The following CDH18 variants were observed in gnomAD, a reference collection of about 807,000 sequenced individuals.
The protein encoded by CDH18 is cadherin 18, also known as cadherin-18.
In CDH18, 31 loss-of-function variants were observed where a neutral mutation model predicts 67.9. The ratio of observed to expected loss-of-function variants is 0.46; its 90% CI spans 0.34 to 0.62. The LOEUF (loss-of-function observed/expected upper bound fraction) is 0.62, where lower values mean the gene tolerates loss of function less well. Ranked by LOEUF, CDH18 falls within the 20% of genes least tolerant of loss-of-function variation. The probability of loss-of-function intolerance (pLI) is 0.01; values close to 1 mark genes in which losing one functional copy is unlikely to be tolerated. For missense variants in CDH18, 890 were observed against 975.5 expected, an observed-to-expected ratio of 0.91 and a Z score of 1.17; for synonymous variants, 362 against 347.2, an observed-to-expected ratio of 1.04 and a Z score of -0.48.
intron 2 of CDH18, among the ~76,000 whole-genome samples, chr5:20,011,040 C>A (rs1022922117): frequency 2.0e-5 from 3 of 152,162 alleles, no homozygotes; most frequent in African/African-American, 4.8e-5. Context: ...TCACAAATAG[C>A]GTTTCAATTC....
At chr5:19,653,291 C>T (rs993717203) in intron 5 of CDH18, among the ~76,000 whole-genome samples, 1 of 151,832 alleles carries the variant, frequency 6.6e-6, no homozygotes, top group Non-Finnish European at 1.5e-5. Context: ...GAGCTTGAGT[C>T]TTTTTTTTCT....
chr5:19,636,498 T>G (rs1239835207), intron 5 of CDH18, among the ~76,000 whole-genome samples: 1 of 152,062 alleles, frequency 6.6e-6, no homozygotes, highest in Non-Finnish European at 1.5e-5. Context: ...CTATTTTGAG[T>G]GTAAAAAATA....
At chr5:19,505,450 G>A (rs944335202) in intron 10 of CDH18, among the ~76,000 whole-genome samples, 5 of 152,078 alleles carry the variant, frequency 3.3e-5, no homozygotes, top group Non-Finnish European at 7.4e-5. Flanking sequence ...GATTGGCTGT[G>A]GGTTTGTCAT....
chr5:19,790,573 G>C (rs1475999129), intron 3 of CDH18, among the ~76,000 whole-genome samples: 1 of 152,142 alleles, frequency 6.6e-6, no homozygotes, highest in Non-Finnish European at 1.5e-5. Context: ...TAAAGAGAAA[G>C]TAGAGCTGTA....
intron 2 of CDH18, among the ~76,000 whole-genome samples, chr5:20,250,787 G>A (rs1262844092): frequency 6.6e-6 from 1 of 151,490 alleles, no homozygotes; most frequent in East Asian, 1.9e-4. Flanking sequence ...TGTATTTTTA[G>A]TAGAGACAGG....
chr5:19,509,166 G>A (rs1198285442), intron 10 of CDH18, among the ~76,000 whole-genome samples: 2 of 151,976 alleles, frequency 1.3e-5, no homozygotes, highest in Non-Finnish European at 2.9e-5. Context: ...ACTGCGCCTG[G>A]CCAAGAATGT....
intron 2 of CDH18, among the ~76,000 whole-genome samples, chr5:20,104,439 G>A (rs1746750420): frequency 1.3e-5 from 2 of 152,132 alleles, no homozygotes; most frequent in South Asian, 4.1e-4. Flanking sequence ...TGTATAAAGT[G>A]AGAGAACAAG....
intron 1 of CDH18, among the ~76,000 whole-genome samples, chr5:20,289,551 T>C (rs903311597): frequency 6.6e-6 from 1 of 151,964 alleles, no homozygotes; most frequent in African/African-American, 2.4e-5. Context: ...TTAGTGCCAA[T>C]TTTGGGACTT....
chr5:20,420,883 T>C (rs1160189382), intron 1 of CDH18, among the ~76,000 whole-genome samples: 1 of 151,310 alleles, frequency 6.6e-6, no homozygotes, highest in Non-Finnish European at 1.5e-5. Flanking sequence ...ATATAGTCAT[T>C]GATTTTGCAT....
intron 7 of CDH18, among the ~76,000 whole-genome samples, chr5:19,574,525 A>C (rs1269766703): frequency 6.6e-6 from 1 of 152,160 alleles, no homozygotes; most frequent in African/African-American, 2.4e-5. Flanking sequence ...TGAGAAAATT[A>C]TACTCATTTA....
At chr5:20,092,925 A>G (rs539396660) in intron 2 of CDH18, among the ~76,000 whole-genome samples, 1 of 152,268 alleles carries the variant, frequency 6.6e-6, no homozygotes, top group East Asian at 1.9e-4. Flanking sequence ...AGAATCCTTA[A>G]ATAAAATTTA....
chr5:19,483,092 T>C (rs1483772140), intron 12 of CDH18, among the ~76,000 whole-genome samples: 1 of 152,224 alleles, frequency 6.6e-6, no homozygotes, highest in African/African-American at 2.4e-5. Flanking sequence ...TTTCCGATTT[T>C]ATCCTTCTTC....
intron 1 of CDH18, among the ~76,000 whole-genome samples, chr5:20,316,798 T>G (rs1405496145): frequency 6.6e-6 from 1 of 152,062 alleles, no homozygotes; most frequent in Non-Finnish European, 1.5e-5. Context: ...CACATAATTT[T>G]TCTTTTTACA....
At chr5:20,003,324 C>T (rs1451811422) in intron 2 of CDH18, among the ~76,000 whole-genome samples, 1 of 151,770 alleles carries the variant, frequency 6.6e-6, no homozygotes, top group Admixed American at 6.6e-5. Context: ...TGTATTTGTA[C>T]ATGTTGGAGG....
At chr5:19,744,049 T>C (rs959250454) in intron 4 of CDH18, among the ~76,000 whole-genome samples, 1 of 151,688 alleles carries the variant, frequency 6.6e-6, no homozygotes, top group African/African-American at 2.4e-5. Context: ...CATGTTACAA[T>C]ATCTATTATA....
chr5:20,460,097 A>G (rs1333848730), intron 1 of CDH18, among the ~76,000 whole-genome samples: 1 of 152,082 alleles, frequency 6.6e-6, no homozygotes, highest in East Asian at 1.9e-4. Flanking sequence ...TGTAGGCTAG[A>G]AGATAACATG....
At chr5:20,076,544 C>CA (rs199703794) in intron 2 of CDH18, among the ~76,000 whole-genome samples, 57 of 133,926 alleles carry the variant, frequency 4.3e-4, no homozygotes, top group Admixed American at 5.2e-4. Context: ...AATAGATTCC[C>CA]AAAAAAAAAA....
intron 1 of CDH18, among the ~76,000 whole-genome samples, chr5:20,404,467 T>A (rs1322561354): frequency 1.3e-5 from 2 of 152,128 alleles, no homozygotes; most frequent in Non-Finnish European, 2.9e-5. Context: ...ACTTGAACAC[T>A]TAGAGGCCAT....
intron 1 of CDH18, among the ~76,000 whole-genome samples, chr5:20,282,383 G>GT (rs1291858477): frequency 2.0e-5 from 3 of 152,068 alleles, no homozygotes; most frequent in African/African-American, 7.2e-5. Context: ...TTTGAGATAC[G>GT]TAACATCAAT....
Sources: allele counts gnomAD v4.1 joint callset (sites outside exome capture counted in the v4.1 genomes callset), GRCh38; gene constraint gnomAD v4.1.1; transcripts MANE v1.5; gene names NCBI Gene and HGNC (gene_info 2026-07-23, HGNC 2026-07-21).